G2E3: variants seen among roughly 807,000 people sequenced by gnomAD.
G2E3 encodes G2/M-phase specific E3 ubiquitin protein ligase, also known as G2/M phase-specific E3 ubiquitin-protein ligase.
Under a neutral mutation model 92.8 loss-of-function variants are expected in G2E3, and 35 were observed. The ratio of observed to expected loss-of-function variants is 0.38; its 90% CI spans 0.29 to 0.50. G2E3 has a LOEUF of 0.50. Among genes scored for constraint, G2E3 ranks in the 20% least tolerant of loss-of-function variants. The probability of loss-of-function intolerance (pLI) is 0.94; values close to 1 mark genes in which losing one functional copy is unlikely to be tolerated. For synonymous variants in G2E3, 242 were observed against 272.4 expected (o/e 0.89, Z 1.10); for missense variants, 554 against 823.8 (o/e 0.67, Z 4.01).
chr14:30,573,217 C>T (rs1273228102), intron 1 of G2E3, among the ~76,000 whole-genome samples: 1 of 152,022 alleles, frequency 6.6e-6, no homozygotes, highest in Non-Finnish European at 1.5e-5. Flanking sequence ...TAGCTTTTGA[C>T]CTCTACCATT....
In G2E3 at chr14:30,618,548, G is replaced by A. The variant is rs1448207371; in HGVS notation, c.*2014G>A. 6.6e-6 allele frequency: 1 copy of A among 152,008 alleles called. No individual in the cohort carries two copies. Among genetic ancestry groups the A allele is most frequent in the Non-Finnish European group, 1.5e-5 (1 of 67,936 alleles). 9.4% of individuals were successfully genotyped at this position (152,008 alleles called of 1,614,324 possible). A position where few individuals can be genotyped will look rare whatever the true frequency, so the allele number is the denominator to read the frequency against. On this transcript the variant is annotated 3_prime_UTR_variant, in exon 15 of 15. Transcript: ENST00000206595. ...GCAGGTGGAGAGGCAGTGTACTTGG[G>A]TTAGCTACAATTAAAAACAGTATTT... is the stretch of plus-strand genomic sequence containing the variant.
At position 30,594,716 on chromosome 14, in the gene G2E3, C is replaced by CT. The variant is rs1594493072; in HGVS notation, c.528+1079dup. Reference sequence around the variant, plus strand: ...TCAAAAAAAAAAAGATGTAAATTCTCTTATTTCAATAAAGTCTTAAAAATA... The same window carrying CT: ...TCAAAAAAAAAAAGATGTAAATTCTCTTTATTTCAATAAAGTCTTAAAAATA... On this transcript the variant is annotated intron_variant, in intron 6 of 14. Coordinates refer to ENST00000206595, the MANE Select transcript of G2E3 (RefSeq NM_017769.5). Among the ~76,000 whole-genome samples, 5 of 151,506 alleles carry CT rather than the reference C, an allele frequency of 3.3e-5. No individual in the cohort carries two copies. In the East Asian group the frequency reaches 9.7e-4, roughly 29 times the overall value.
At chr14:30,601,691 G>C (rs1232958751) in intron 8 of G2E3, 79 bp from the exon 9 acceptor site, 1 of 1,380,854 alleles carries the variant, frequency 7.2e-7, no homozygotes, top group African/African-American at 1.4e-5. Context: ...GTGTAAGAAG[G>C]CAGGCCCTGT....
intron 1 of G2E3, among the ~76,000 whole-genome samples, chr14:30,572,683 T>C (rs928535259): frequency 6.6e-6 from 1 of 152,198 alleles, no homozygotes; most frequent in Non-Finnish European, 1.5e-5. Flanking sequence ...TATCTAATCT[T>C]ATATTTCTAA....
chr14:30,587,746 G>A (rs887973069), intron 3 of G2E3, among the ~76,000 whole-genome samples: 6 of 152,208 alleles, frequency 3.9e-5, no homozygotes, highest in East Asian at 1.9e-4. Context: ...AAGGCTACTC[G>A]TGGCATGGCA....
intron 1 of G2E3, among the ~76,000 whole-genome samples, chr14:30,579,750 G>T (rs1403056940): frequency 6.6e-6 from 1 of 152,184 alleles, no homozygotes. Context: ...CTAACTCCTT[G>T]ACCTTGGACA....
chr14:30,582,136 A>G (rs898372479), intron 2 of G2E3, among the ~76,000 whole-genome samples: 1 of 152,200 alleles, frequency 6.6e-6, no homozygotes, highest in Non-Finnish European at 1.5e-5. Flanking sequence ...ACCTCTATGC[A>G]TTTGCCAAAT....
Position 30,601,999 on chromosome 14 carries a change from G to C in G2E3, c.878G>C (p.Gly293Ala). Reference sequence around the variant, plus strand: ...CTAACATGGAAATTTAAATCTGTAGGAGAGTTCCAAAAAGCCAAAAAACAT... The same window carrying C: ...CTAACATGGAAATTTAAATCTGTAGCAGAGTTCCAAAAAGCCAAAAAACAT... ...LECRGIIYNS[G>A]EFQKAKKHVL... The change falls in exon 10 of 15, where the codon GGA (glycine) becomes GCA (alanine). Residue 293 changes from glycine (G) to alanine (A), a missense_variant and splice_region_variant. By Grantham distance (60) the Gly-to-Ala change is moderately conservative. This residue lies in a region of G2E3 where 397 missense variants were observed against 560.3 expected (regional missense o/e 0.71). Coordinates refer to ENST00000206595, the MANE Select transcript of G2E3 (RefSeq NM_017769.5). The C allele has an allele frequency of 6.2e-7, 1 of 1,611,012 alleles. No individual in the cohort carries two copies. Among genetic ancestry groups the C allele is most frequent in the South Asian group, 1.1e-5 (1 of 90,494 alleles).
At chr14:30,598,180 T>G (rs1594497560) in intron 7 of G2E3, 2 of 248,982 alleles carry the variant, frequency 8.0e-6, no homozygotes, top group African/African-American at 2.3e-5. Flanking sequence ...AGGTCAGGAG[T>G]TCAAGACCAG....
intron 2 of G2E3, among the ~76,000 whole-genome samples, chr14:30,585,586 T>C (rs35389182): frequency 0.28 from 40,485 of 144,968 alleles, 5,785 homozygotes; most frequent in East Asian, 0.56. Context: ...CTTCTCCCCC[T>C]TTTTTTTTTT....
intron 10 of G2E3, among the ~76,000 whole-genome samples, chr14:30,604,872 C>CTTCA (rs138039664): frequency 0.054 from 8,007 of 147,246 alleles, 248 homozygotes; most frequent in East Asian, 0.13. Flanking sequence ...TTTGAGCTTG[C>CTTCA]TTCATTCATT....
intron 3 of G2E3, among the ~76,000 whole-genome samples, chr14:30,588,480 G>A (rs1880836787): frequency 1.3e-5 from 2 of 151,800 alleles, no homozygotes; most frequent in African/African-American, 4.8e-5. Flanking sequence ...ATACATTTAA[G>A]TTGATCAGAT....
intron 1 of G2E3, chr14:30,560,637 A>T (rs943945346): frequency 1.7e-6 from 1 of 590,362 alleles, no homozygotes; most frequent in African/African-American, 1.9e-5. Context: ...ATTGATCGCT[A>T]TATCCTAATC....
chr14:30,561,369 C>T (rs920720856), intron 1 of G2E3, among the ~76,000 whole-genome samples: 2 of 152,218 alleles, frequency 1.3e-5, no homozygotes, highest in Non-Finnish European at 2.9e-5. Context: ...TTCAGTCTCC[C>T]TCCAGATGTT....
chr14:30,609,734 G>GT (rs569102187), intron 12 of G2E3, among the ~76,000 whole-genome samples: 4 of 152,024 alleles, frequency 2.6e-5, no homozygotes, highest in Admixed American at 6.6e-5. Context: ...TTGTTTGATT[G>GT]TTTTTTGTGG....
chr14:30,616,259 T>C lies in G2E3; in HGVS notation c.1865-19T>C. 1 of 1,543,324 alleles carries C rather than the reference T, an allele frequency of 6.5e-7. No homozygotes were observed. On this transcript the variant is annotated intron_variant, in intron 14 of 14. Transcript: ENST00000206595. ...TTTACTTTTGTTTCTTTTACTCTTT[T>C]ATTGGTAAATTTTTTCAGATGGTAA... is the stretch of plus-strand genomic sequence containing the variant.
intron 1 of G2E3, among the ~76,000 whole-genome samples, chr14:30,568,903 G>A (rs545365933): frequency 1.7e-4 from 26 of 151,354 alleles, no homozygotes; most frequent in Non-Finnish European, 3.2e-4. Context: ...TTATTTCCTC[G>A]TATGGCTTTG....
intron 3 of G2E3, among the ~76,000 whole-genome samples, chr14:30,587,823 C>G (rs907211950): frequency 3.3e-5 from 5 of 152,154 alleles, no homozygotes; most frequent in Non-Finnish European, 7.3e-5. Context: ...AACCATATGA[C>G]CTAGTCATCA....
intron 9 of G2E3, 45 bp downstream of exon 9, chr14:30,601,939 A>G: frequency 6.2e-7 from 1 of 1,604,530 alleles, no homozygotes. Flanking sequence ...TCAAATGTAT[A>G]TGATTTAAAA....
Sources: gnomAD v4.1 joint callset for allele counts (sites outside exome capture counted in the v4.1 genomes callset) on GRCh38, gnomAD v4.1.1 for gene constraint, gnomAD v4.1.1 regional missense constraint, MANE v1.5 for transcripts, NCBI Gene and HGNC (gene_info 2026-07-23, HGNC 2026-07-21) for gene names.